TAS2R1: variants seen among roughly 807,000 people sequenced by gnomAD.
TAS2R1 encodes the protein taste receptor type 2 member 1.
For missense variants in TAS2R1, 370 were observed against 353.4 expected (o/e 1.05, Z -0.38); for synonymous variants, 141 against 134.2 (o/e 1.05, Z -0.35).
the TAS2R1 span, among the ~76,000 whole-genome samples, chr5:9,856,858 G>A: frequency 6.6e-6 from 1 of 152,136 alleles, no homozygotes; most frequent in Non-Finnish European, 1.5e-5. Flanking sequence ...CACTATTCAC[G>A]ATGGTCAAGA....
At chr5:9,814,056 G>A in the TAS2R1 span, among the ~76,000 whole-genome samples, 661 of 152,038 alleles carry the variant, frequency 4.3e-3, 6 homozygotes, top group African/African-American at 0.015. Context: ...TCCAACCCAG[G>A]CACAATTCAA....
At chr5:9,831,621 G>GTTTT in the TAS2R1 span, among the ~76,000 whole-genome samples, 38,544 of 147,530 alleles carry the variant, frequency 0.26, 6,012 homozygotes, top group Non-Finnish European at 0.37. Flanking sequence ...GCATGTTTCT[G>GTTTT]TTTTTTTTTC....
chr5:9,861,880 C>A, the TAS2R1 span, among the ~76,000 whole-genome samples: 2 of 152,236 alleles, frequency 1.3e-5, no homozygotes, highest in Non-Finnish European at 1.5e-5. Flanking sequence ...CATTCCAGGG[C>A]AGCCAGGCAT....
At chr5:9,724,859 G>C in the TAS2R1 span, among the ~76,000 whole-genome samples, 2 of 152,232 alleles carry the variant, frequency 1.3e-5, no homozygotes, top group East Asian at 3.8e-4. Flanking sequence ...AGAAAATCCT[G>C]GTTGCAATGT....
chr5:9,769,708 C>T, the TAS2R1 span, among the ~76,000 whole-genome samples: 1 of 152,102 alleles, frequency 6.6e-6, no homozygotes, highest in African/African-American at 2.4e-5. Context: ...ACTTGTATGT[C>T]TTCTTTTGAG....
At chr5:9,771,661 G>T in the TAS2R1 span, among the ~76,000 whole-genome samples, 2 of 152,046 alleles carry the variant, frequency 1.3e-5, no homozygotes, top group African/African-American at 4.8e-5. Flanking sequence ...TTTGCTGGGA[G>T]ACTTTTTATT....
chr5:9,831,865 C>G, the TAS2R1 span, among the ~76,000 whole-genome samples: 1 of 152,090 alleles, frequency 6.6e-6, no homozygotes, highest in African/African-American at 2.4e-5. Flanking sequence ...ATTTTCCAAA[C>G]AAAATTCTGA....
At chr5:9,685,904 C>T (rs1178890768) in intron 1 of TAS2R1, among the ~76,000 whole-genome samples, 1 of 152,220 alleles carries the variant, frequency 6.6e-6, no homozygotes, top group Non-Finnish European at 1.5e-5. Context: ...TCGCTCTTGT[C>T]ACCCAAGCTG....
At chr5:9,851,894 G>A in the TAS2R1 span, among the ~76,000 whole-genome samples, 1 of 152,296 alleles carries the variant, frequency 6.6e-6, no homozygotes, top group South Asian at 2.1e-4. Context: ...TCTGTTTATT[G>A]TCTGCCTTTT....
chr5:9,831,448 A>C, the TAS2R1 span, among the ~76,000 whole-genome samples: 1 of 152,328 alleles, frequency 6.6e-6, no homozygotes, highest in African/African-American at 2.4e-5. Context: ...ATTTAAAATA[A>C]CAGAATACAG....
chr5:9,652,385 G>A (rs2285621), intron 2 of TAS2R1, among the ~76,000 whole-genome samples: 17,976 of 152,162 alleles, frequency 0.12, 1,276 homozygotes, highest in South Asian at 0.17. Flanking sequence ...TCCAGCCAAT[G>A]GAACATGCCT....
At chr5:9,655,286 T>A (rs574380979) in intron 2 of TAS2R1, among the ~76,000 whole-genome samples, 1 of 152,312 alleles carries the variant, frequency 6.6e-6, no homozygotes, top group South Asian at 2.1e-4. Context: ...TTTATAAGTC[T>A]CTTATGTATC....
chr5:9,639,469 C>G (rs1740030416), intron 2 of TAS2R1, among the ~76,000 whole-genome samples: 1 of 151,936 alleles, frequency 6.6e-6, no homozygotes, highest in Non-Finnish European at 1.5e-5. Context: ...CAGTTTTTTG[C>G]CTGTTTTGTG....
chr5:9,709,728 T>C (rs1181829230), intron 1 of TAS2R1, among the ~76,000 whole-genome samples: 1 of 152,074 alleles, frequency 6.6e-6, no homozygotes, highest in Non-Finnish European at 1.5e-5. Context: ...ATCTTGGAGG[T>C]GAATCCCCAC....
At chr5:9,701,861 A>C (rs1741490669) in intron 1 of TAS2R1, among the ~76,000 whole-genome samples, 2 of 152,206 alleles carry the variant, frequency 1.3e-5, no homozygotes, top group Admixed American at 6.5e-5. Flanking sequence ...AATTTTGCAA[A>C]AAGTGAAGAG....
the TAS2R1 span, among the ~76,000 whole-genome samples, chr5:9,788,902 G>A: frequency 4.5e-3 from 663 of 147,640 alleles, 2 homozygotes; most frequent in African/African-American, 0.015. Flanking sequence ...TAGAAGAATG[G>A]TCTCTAATTT....
chr5:9,829,353 A>G, the TAS2R1 span, among the ~76,000 whole-genome samples: 1 of 152,170 alleles, frequency 6.6e-6, no homozygotes, highest in Non-Finnish European at 1.5e-5. Context: ...GGCAGGTGGG[A>G]GACACAGAAG....
At chr5:9,691,123 C>T (rs1462278814) in intron 1 of TAS2R1, among the ~76,000 whole-genome samples, 2 of 152,184 alleles carry the variant, frequency 1.3e-5, no homozygotes, top group Non-Finnish European at 2.9e-5. Context: ...TTAAAGATCT[C>T]AAGATGAAAT....
the TAS2R1 span, among the ~76,000 whole-genome samples, chr5:9,877,070 A>T: frequency 6.6e-6 from 1 of 152,234 alleles, no homozygotes; most frequent in Non-Finnish European, 1.5e-5. Flanking sequence ...AGACAGGAAT[A>T]TGAAACCACA....
Sources: gnomAD v4.1 joint callset for allele counts (sites outside exome capture counted in the v4.1 genomes callset) on GRCh38, gnomAD v4.1.1 for gene constraint, MANE v1.5 for transcripts, NCBI Gene and HGNC (gene_info 2026-07-23, HGNC 2026-07-21) for gene names.